COL24A1: variants seen among roughly 807,000 people sequenced by gnomAD.
COL24A1 encodes the protein collagen alpha-1(XXIV) chain.
In COL24A1, 224 loss-of-function variants were observed where a neutral mutation model predicts 253.9. That is an observed-to-expected ratio of 0.88 (90% confidence interval 0.79 to 0.99). The LOEUF (loss-of-function observed/expected upper bound fraction) is 0.99, where lower values mean the gene tolerates loss of function less well. COL24A1 is among the 50% of genes least tolerant of loss of function. COL24A1 has a pLI of 0.00. For missense variants in COL24A1, 2,131 were observed against 2,068.5 expected (o/e 1.03, Z -0.59); for synonymous variants, 685 against 673.7 (o/e 1.02, Z -0.26).
intron 24 of COL24A1, among the ~76,000 whole-genome samples, chr1:85,943,261 G>T (rs905584664): frequency 6.6e-6 from 1 of 152,196 alleles, no homozygotes; most frequent in Non-Finnish European, 1.5e-5. Context: ...TGGTCCTGAG[G>T]CCTTTGTACT....
intron 5 of COL24A1, among the ~76,000 whole-genome samples, chr1:86,106,222 G>A (rs1301534652): frequency 2.6e-5 from 4 of 151,954 alleles, no homozygotes; most frequent in African/African-American, 4.8e-5. Flanking sequence ...ATAAATACAC[G>A]ATGGAGACAT....
chr1:85,989,146 G>T (rs1693997564), intron 19 of COL24A1, among the ~76,000 whole-genome samples: 1 of 151,820 alleles, frequency 6.6e-6, no homozygotes, highest in African/African-American at 2.4e-5. Context: ...TTGTGGACTT[G>T]AATCAAGACA....
intron 19 of COL24A1, among the ~76,000 whole-genome samples, chr1:85,995,680 T>G (rs1006414027): frequency 6.6e-6 from 1 of 152,076 alleles, no homozygotes; most frequent in African/African-American, 2.4e-5. Context: ...TTTTGTTCAT[T>G]GATATGGTTT....
intron 21 of COL24A1, among the ~76,000 whole-genome samples, chr1:85,970,932 G>T (rs2100765990): frequency 6.6e-6 from 1 of 152,248 alleles, no homozygotes; most frequent in Middle Eastern, 3.4e-3. Context: ...TAACTTGAAG[G>T]CTGGGTGTAG....
chr1:85,794,505 G>A (rs1237922324), intron 47 of COL24A1, among the ~76,000 whole-genome samples: 1 of 152,166 alleles, frequency 6.6e-6, no homozygotes, highest in Non-Finnish European at 1.5e-5. Flanking sequence ...AATGAATATA[G>A]TCCAAGTCAT....
chr1:85,779,329 A>C (rs989131555), intron 52 of COL24A1, among the ~76,000 whole-genome samples: 1 of 152,196 alleles, frequency 6.6e-6, no homozygotes, highest in African/African-American at 2.4e-5. Context: ...TATGAAAAAA[A>C]TGTAATCGGA....
At position 86,149,552 on chromosome 1, in the gene COL24A1, G is replaced by GC. The variant is rs1368622442; in HGVS notation, c.57-3370_57-3369insG. Among the ~76,000 whole-genome samples the GC allele has an allele frequency of 3.9e-5, 6 of 152,314 alleles. 1 individual carries two copies. The East Asian group carries it at 1.2e-3, about 29-fold the overall frequency. On this transcript the variant is annotated intron_variant, in intron 1 of 59. Transcript: ENST00000370571. ...TTAAGTATAAAGTTGAATGTGAATG[G>GC]AAGCATGTCTCACCTGCCCAAGGTA...
At chr1:85,769,479 T>C (rs1253963375) in intron 53 of COL24A1, among the ~76,000 whole-genome samples, 1 of 150,828 alleles carries the variant, frequency 6.6e-6, no homozygotes, top group Non-Finnish European at 1.5e-5. Flanking sequence ...CTAGGTATTA[T>C]GTCCAGGGTG....
chr1:85,914,535 C>T (rs886643147), intron 24 of COL24A1, among the ~76,000 whole-genome samples: 7 of 151,922 alleles, frequency 4.6e-5, no homozygotes, highest in Admixed American at 3.9e-4. Flanking sequence ...GGATTACAGG[C>T]GTGCACCACC....
At chr1:85,779,329 A>G (rs989131555) in intron 52 of COL24A1, among the ~76,000 whole-genome samples, 6 of 152,196 alleles carry the variant, frequency 3.9e-5, no homozygotes, top group Admixed American at 2.6e-4. Context: ...TATGAAAAAA[A>G]TGTAATCGGA....
chr1:86,028,561 G>A (rs898911851), intron 14 of COL24A1, among the ~76,000 whole-genome samples: 14 of 152,164 alleles, frequency 9.2e-5, no homozygotes, highest in Non-Finnish European at 1.9e-4. Context: ...TAAGTTTCCT[G>A]AGGCCTCCCC....
At position 85,824,950 on chromosome 1, in the gene COL24A1, T is replaced by A. The variant is rs555861357; in HGVS notation, c.3682-1212A>T. Among the ~76,000 whole-genome samples the A allele has an allele frequency of 8.6e-5, 13 of 150,616 alleles. 1 individual carries two copies. The East Asian group carries it at 1.4e-3, about 16-fold the overall frequency. On this transcript the variant is annotated intron_variant, in intron 43 of 59. Coordinates refer to ENST00000370571, the MANE Select transcript of COL24A1 (RefSeq NM_152890.7). ...TTATTATTATTATTATACTTGAAGT[T>A]TTAGGGTACATGTGCACAATGTGCA...
chr1:85,773,208 C>A (rs576161946), intron 53 of COL24A1, among the ~76,000 whole-genome samples: 1 of 152,114 alleles, frequency 6.6e-6, no homozygotes, highest in East Asian at 1.9e-4. Context: ...CTGAGGCCTC[C>A]GTTCTGTTCC....
chr1:85,914,304 ATGTG>A (rs71078628), intron 24 of COL24A1, among the ~76,000 whole-genome samples: 10,061 of 139,114 alleles, frequency 0.072, 392 homozygotes, highest in Middle Eastern at 0.13. Flanking sequence ...TTTGTCATGA[ATGTG>A]TGTGTGTGTG....
In COL24A1 at chr1:86,156,399, G is replaced by C; in HGVS notation, c.-3C>G. 1 of 1,611,824 alleles carries C rather than the reference G, an allele frequency of 6.2e-7. No individual in the cohort carries two copies. The highest frequency in any genetic ancestry group is 8.5e-7 in the Non-Finnish European group (1 of 1,178,956). On this transcript the variant is annotated 5_prime_UTR_variant, in exon 1 of 60. Transcript: ENST00000370571. ...GTTCTGTGGGCTCTTAAATGCATTTGTATGCATTTGTCCGTGCAGCAAAGC... is the reference window on the plus strand; with the variant it reads ...GTTCTGTGGGCTCTTAAATGCATTTCTATGCATTTGTCCGTGCAGCAAAGC...
chr1:86,060,128 G>C (rs1021666508), intron 8 of COL24A1, among the ~76,000 whole-genome samples: 3 of 152,042 alleles, frequency 2.0e-5, no homozygotes, highest in South Asian at 4.2e-4. Context: ...AGACCCAAAG[G>C]CTTAAGAAAG....
intron 19 of COL24A1, among the ~76,000 whole-genome samples, chr1:85,992,557 C>T (rs953723463): frequency 1.3e-5 from 2 of 151,940 alleles, no homozygotes; most frequent in East Asian, 3.9e-4. Context: ...ATAACATGGA[C>T]ATCTTTGCCA....
intron 24 of COL24A1, among the ~76,000 whole-genome samples, chr1:85,948,402 T>C (rs900916004): frequency 6.7e-6 from 1 of 150,192 alleles, no homozygotes; most frequent in Admixed American, 6.6e-5. Context: ...CGGGCGCCTG[T>C]AGTCCCAGCT....
At chr1:86,065,425 T>C (rs1318277061) in intron 7 of COL24A1, among the ~76,000 whole-genome samples, 4 of 152,280 alleles carry the variant, frequency 2.6e-5, no homozygotes, top group Middle Eastern at 3.4e-3. Flanking sequence ...ATGTTAATCA[T>C]GGTATCTTTT....
Sources: gnomAD v4.1 joint callset for allele counts (sites outside exome capture counted in the v4.1 genomes callset) on GRCh38, gnomAD v4.1.1 for gene constraint, MANE v1.5 for transcripts, NCBI Gene and HGNC (gene_info 2026-07-23, HGNC 2026-07-21) for gene names.